CLEC2A: variants seen among roughly 807,000 people sequenced by gnomAD.
CLEC2A encodes C-type lectin domain family 2 member A.
CLEC2A carries 19 observed loss-of-function variants against 18.6 expected under a neutral mutation model. The ratio of observed to expected loss-of-function variants is 1.02; its 90% CI spans 0.71 to 1.50. The LOEUF (loss-of-function observed/expected upper bound fraction) is 1.50, where lower values mean the gene tolerates loss of function less well. Ranked by LOEUF, CLEC2A falls within the 40% of genes most tolerant of loss-of-function variation. The pLI is 0.00. For synonymous variants in CLEC2A, 74 were observed against 64.0 expected (o/e 1.16, Z -0.75); for missense variants, 190 against 207.9 (o/e 0.91, Z 0.53).
the CLEC2A span, among the ~76,000 whole-genome samples, chr12:9,881,047 C>T: frequency 1.7e-3 from 263 of 152,244 alleles, 2 homozygotes; most frequent in African/African-American, 6.0e-3. Context: ...CAAGTGATTC[C>T]GATTTTCACT....
intron 1 of CLEC2A, among the ~76,000 whole-genome samples, chr12:9,929,281 C>T (rs1863331615): frequency 6.6e-6 from 1 of 152,004 alleles, no homozygotes; most frequent in South Asian, 2.1e-4. Flanking sequence ...CACTGGTTAC[C>T]TTTAGCATTG....
chr12:9,904,590 T>C (rs1262124786), intron 4 of CLEC2A, among the ~76,000 whole-genome samples: 1 of 152,088 alleles, frequency 6.6e-6, no homozygotes, highest in African/African-American at 2.4e-5. Context: ...TCCCACATGT[T>C]CTCCAGACTC....
chr12:9,924,536 A>G (rs2137050658), intron 2 of CLEC2A, among the ~76,000 whole-genome samples: 1 of 151,892 alleles, frequency 6.6e-6, no homozygotes, highest in Middle Eastern at 3.4e-3. Context: ...TAAGCAAACC[A>G]TGCATATGGA....
At chr12:9,896,456 C>CA (rs538158997), downstream of CLEC2A, among the ~76,000 whole-genome samples, 739 of 128,678 alleles carry the variant, frequency 5.7e-3, 6 homozygotes, top group Non-Finnish European at 6.6e-3. Context: ...ATATTCAAAA[C>CA]AAAAAAAAAA....
chr12:9,890,750 C>A, the CLEC2A span, among the ~76,000 whole-genome samples: 1 of 152,168 alleles, frequency 6.6e-6, no homozygotes, highest in East Asian at 1.9e-4. Flanking sequence ...TGCTGTCTAA[C>A]ATAACCTAAT....
At chr12:9,929,452 G>A (rs1591797901) in intron 1 of CLEC2A, among the ~76,000 whole-genome samples, 1 of 151,994 alleles carries the variant, frequency 6.6e-6, no homozygotes, top group African/African-American at 2.4e-5. Context: ...TCTATTCCTA[G>A]TTTCTTAACA....
At chr12:9,926,928 C>T (rs10505741) in intron 1 of CLEC2A, among the ~76,000 whole-genome samples, 15,645 of 152,016 alleles carry the variant, frequency 0.1, 1,463 homozygotes, top group East Asian at 0.42. Flanking sequence ...CGTGGAAATG[C>T]TATGAGGTTA....
At chr12:9,884,936 T>G in the CLEC2A span, 1 of 1,132,152 alleles carries the variant, frequency 8.8e-7, no homozygotes, top group Non-Finnish European at 1.2e-6. Flanking sequence ...CATTTCAGAT[T>G]TCTCCCTATA....
intron 1 of CLEC2A, among the ~76,000 whole-genome samples, chr12:9,927,031 G>GTGTGTGTC (rs1863283760): frequency 6.6e-6 from 1 of 151,898 alleles, no homozygotes; most frequent in South Asian, 2.1e-4. Flanking sequence ...GTGCGTGTAT[G>GTGTGTGTC]TGTGTGTCTG....
the CLEC2A span, among the ~76,000 whole-genome samples, chr12:9,892,198 T>C: frequency 2.0e-5 from 3 of 152,106 alleles, no homozygotes; most frequent in African/African-American, 7.2e-5. Context: ...GGTGGAAATA[T>C]AACTGTATAT....
rs1332256621 is a variant in CLEC2A at position 9,898,947 on chromosome 12, C to T, written c.440G>A (p.Trp147Ter). ...CAGAAGAAGCCATTGTCGGAGGCTCCAGTTGCAAGACCATTTGGAGTTTGA... is the reference window on the plus strand; with the variant it reads ...CAGAAGAAGCCATTGTCGGAGGCTCTAGTTGCAAGACCATTTGGAGTTTGA... Residue 147 changes from tryptophan (W) to a stop codon, truncating the protein, a stop_gained, in exon 5 of 5, where the codon TGG becomes TAG. Transcript: ENST00000339766. LOFTEE classifies it high-confidence loss of function. 4.2e-6 allele frequency: 3 copies of T among 716,064 alleles called. No individual in the cohort carries two copies. Among genetic ancestry groups the T allele is most frequent in the East Asian group, 2.7e-5 (1 of 37,290 alleles). 44.4% of individuals were successfully genotyped at this position (716,064 alleles called of 1,614,324 possible).
the CLEC2A span, among the ~76,000 whole-genome samples, chr12:9,890,126 T>C: frequency 6.6e-6 from 1 of 152,176 alleles, no homozygotes; most frequent in Non-Finnish European, 1.5e-5. Context: ...GACTAGATAT[T>C]ATACCATTGA....
the CLEC2A span, chr12:9,881,745 C>A: frequency 1.0e-6 from 1 of 980,370 alleles, no homozygotes; most frequent in Non-Finnish European, 1.5e-6. Context: ...ATATTTTTAA[C>A]ATCTTAACAT....
chr12:9,915,071 T>C (rs1863048719), intron 4 of CLEC2A, among the ~76,000 whole-genome samples: 1 of 151,776 alleles, frequency 6.6e-6, no homozygotes, highest in South Asian at 2.1e-4. Flanking sequence ...AAAGAAGACA[T>C]TTATGCAGCC....
chr12:9,918,567 G>T (rs971729711), intron 3 of CLEC2A, among the ~76,000 whole-genome samples: 1 of 152,140 alleles, frequency 6.6e-6, no homozygotes, highest in African/African-American at 2.4e-5. Context: ...GCTTAGGATT[G>T]CCTTGGCAAT....
chr12:9,886,733 T>A, the CLEC2A span, among the ~76,000 whole-genome samples: 65 of 148,052 alleles, frequency 4.4e-4, no homozygotes, highest in African/African-American at 1.6e-3. Flanking sequence ...GTCGGTCTAT[T>A]TACACAGTGG....
the CLEC2A span, among the ~76,000 whole-genome samples, chr12:9,885,666 TTG>T: frequency 6.6e-6 from 1 of 151,988 alleles, no homozygotes; most frequent in Non-Finnish European, 1.5e-5. Context: ...TTGGGCAATT[TTG>T]TGTTTTTCCC....
the CLEC2A span, among the ~76,000 whole-genome samples, chr12:9,890,741 GCTGT>G: frequency 3.3e-5 from 5 of 152,120 alleles, no homozygotes; most frequent in Non-Finnish European, 5.9e-5. Flanking sequence ...CCGTCATCTT[GCTGT>G]CTAACATAAC....
chr12:9,913,821 A>C (rs1863026261), intron 4 of CLEC2A, 141 bp from the exon 5 acceptor site: 1 of 559,824 alleles, frequency 1.8e-6, no homozygotes, highest in Non-Finnish European at 3.1e-6. Context: ...CATATGCTGC[A>C]TTAAAATATC....
Sources: allele counts gnomAD v4.1 joint callset (sites outside exome capture counted in the v4.1 genomes callset), GRCh38; gene constraint gnomAD v4.1.1; transcripts MANE v1.5; gene names NCBI Gene and HGNC (gene_info 2026-07-23, HGNC 2026-07-21).